CNTLN: variants seen among roughly 807,000 people sequenced by gnomAD.
The protein encoded by CNTLN is centlein, centrosomal protein.
In CNTLN, 212 loss-of-function variants were observed where a neutral mutation model predicts 180.0. That is an observed-to-expected ratio of 1.18 (90% CI 1.05 to 1.32). The LOEUF is 1.32. Ranked by LOEUF, CNTLN falls within the 40% of genes most tolerant of loss-of-function variation. The pLI, the probability that CNTLN is intolerant of heterozygous loss-of-function variation, is 0.00. For missense variants in CNTLN, 2,095 were observed against 1,610.9 expected, an observed-to-expected ratio of 1.30 and a Z score of -5.14; for synonymous variants, 722 against 563.1, an observed-to-expected ratio of 1.28 and a Z score of -3.99.
intron 8 of CNTLN, among the ~76,000 whole-genome samples, chr9:17,322,153 C>A (rs1819957701): frequency 6.6e-6 from 1 of 151,872 alleles, no homozygotes; most frequent in Non-Finnish European, 1.5e-5. Context: ...GATATGACCA[C>A]ACAAATATAT....
chr9:17,137,012 T>G (rs1817764435), intron 1 of CNTLN, among the ~76,000 whole-genome samples: 1 of 152,184 alleles, frequency 6.6e-6, no homozygotes, highest in South Asian at 2.1e-4. Flanking sequence ...CTAAGATACT[T>G]TTTTATGACC....
At chr9:17,411,472 C>T (rs1035136324) in intron 16 of CNTLN, among the ~76,000 whole-genome samples, 1 of 152,158 alleles carries the variant, frequency 6.6e-6, no homozygotes, top group Non-Finnish European at 1.5e-5. Flanking sequence ...CAGGGTGATG[C>T]CAGAGAGGAC....
intron 15 of CNTLN, among the ~76,000 whole-genome samples, chr9:17,399,003 A>C (rs1317294365): frequency 6.6e-6 from 1 of 152,212 alleles, no homozygotes; most frequent in East Asian, 1.9e-4. Flanking sequence ...CACCAGAGGA[A>C]GCTACGTTAA....
chr9:17,316,491 G>C (rs1819546492), intron 8 of CNTLN, among the ~76,000 whole-genome samples: 1 of 152,022 alleles, frequency 6.6e-6, no homozygotes, highest in Non-Finnish European at 1.5e-5. Flanking sequence ...ATTGCAAGTT[G>C]AAAGTGCATT....
At chr9:17,234,196 C>A (rs1454624536) in intron 3 of CNTLN, among the ~76,000 whole-genome samples, 1 of 152,134 alleles carries the variant, frequency 6.6e-6, no homozygotes, top group Admixed American at 6.6e-5. Context: ...GTGGCTCACA[C>A]CTGTTATCTC....
At chr9:17,274,583 T>C (rs1828189752) in intron 6 of CNTLN, among the ~76,000 whole-genome samples, 1 of 151,958 alleles carries the variant, frequency 6.6e-6, no homozygotes, top group Admixed American at 6.6e-5. Context: ...CATGCATGTG[T>C]TTATTTATTT....
At chr9:17,315,163 T>C (rs1167392867) in intron 8 of CNTLN, among the ~76,000 whole-genome samples, 2 of 152,176 alleles carry the variant, frequency 1.3e-5, no homozygotes, top group Non-Finnish European at 2.9e-5. Flanking sequence ...ATTTATTTTA[T>C]TGGGCATCAT....
chr9:17,150,935 G>T (rs1442952758), intron 2 of CNTLN, among the ~76,000 whole-genome samples: 1 of 152,178 alleles, frequency 6.6e-6, no homozygotes, highest in East Asian at 1.9e-4. Flanking sequence ...GTTCACTCAT[G>T]GTTTGGCTGT....
chr9:17,307,555 C>T (rs1185539302), intron 7 of CNTLN, among the ~76,000 whole-genome samples: 3 of 151,962 alleles, frequency 2.0e-5, no homozygotes, highest in African/African-American at 7.2e-5. Context: ...CAGGCGTGAG[C>T]CACCTTCCCA....
chr9:17,477,633 G>A (rs1474227875), intron 23 of CNTLN, among the ~76,000 whole-genome samples: 1 of 152,194 alleles, frequency 6.6e-6, no homozygotes, highest in Admixed American at 6.5e-5. Flanking sequence ...AATAGCCAGT[G>A]AACTAAAATT....
intron 18 of CNTLN, among the ~76,000 whole-genome samples, chr9:17,424,736 A>G (rs539564817): frequency 3.3e-5 from 5 of 152,160 alleles, no homozygotes; most frequent in Non-Finnish European, 5.9e-5. Context: ...CAGGGTCCCT[A>G]TGATGGAACT....
chr9:17,153,406 C>T (rs959518773), intron 2 of CNTLN, among the ~76,000 whole-genome samples: 16 of 152,108 alleles, frequency 1.1e-4, no homozygotes, highest in Non-Finnish European at 1.8e-4. Context: ...ATTTCTCATT[C>T]GCTTATGAAG....
chr9:17,326,273 A>C (rs533921298), intron 8 of CNTLN, among the ~76,000 whole-genome samples: 1 of 152,202 alleles, frequency 6.6e-6, no homozygotes, highest in Non-Finnish European at 1.5e-5. Context: ...ATGTAAACTA[A>C]AAGGGAGCAA....
chr9:17,251,444 A>C (rs1826136026), intron 5 of CNTLN, among the ~76,000 whole-genome samples: 1 of 150,936 alleles, frequency 6.6e-6, no homozygotes, highest in African/African-American at 2.4e-5. Context: ...TTCTCTCTTT[A>C]TGCTCTTTAG....
At chr9:17,518,316 G>C in the CNTLN span, among the ~76,000 whole-genome samples, 1 of 151,744 alleles carries the variant, frequency 6.6e-6, no homozygotes, top group Non-Finnish European at 1.5e-5. Flanking sequence ...CAAAATGCTG[G>C]GATTACAGGC....
rs1175235563 is a variant in CNTLN, at chr9:17,502,795, A to C, written c.*143A>C. 1.5e-5 allele frequency: 6 copies of C among 404,072 alleles called. No individual in the cohort carries two copies. The highest frequency in any genetic ancestry group is 2.1e-5 in the African/African-American group (1 of 47,710). The allele number at this position is 404,072 out of a possible 1,614,324, so 25.0% of individuals were successfully genotyped here. A position where few individuals can be genotyped will look rare whatever the true frequency, so the allele number is the denominator to read the frequency against. On this transcript the variant is annotated 3_prime_UTR_variant, in exon 26 of 26. Coordinates refer to ENST00000380647, the MANE Select transcript of CNTLN (RefSeq NM_017738.4). ...CCAAAATAAGAAGTCTCTGAAAATA[A>C]TTAATTGCTGAACAAGTGAAACTAA...
intron 12 of CNTLN, among the ~76,000 whole-genome samples, chr9:17,349,967 A>G (rs1822225985): frequency 6.6e-6 from 1 of 152,228 alleles, no homozygotes; most frequent in Non-Finnish European, 1.5e-5. Context: ...TTTGGAAGCT[A>G]GATAGTAAGA....
At chr9:17,418,197 G>C (rs1230708147) in intron 18 of CNTLN, among the ~76,000 whole-genome samples, 4 of 151,938 alleles carry the variant, frequency 2.6e-5, no homozygotes, top group Non-Finnish European at 5.9e-5. Flanking sequence ...TTAGGAAAGA[G>C]TAAGAATCAG....
chr9:17,310,697 A>G (rs577458294), intron 8 of CNTLN, among the ~76,000 whole-genome samples: 8 of 152,344 alleles, frequency 5.3e-5, no homozygotes, highest in African/African-American at 1.7e-4. Context: ...ACAATATAAA[A>G]GAGATCTGGT....
Sources: allele counts gnomAD v4.1 joint callset (sites outside exome capture counted in the v4.1 genomes callset), GRCh38; gene constraint gnomAD v4.1.1; transcripts MANE v1.5; gene names NCBI Gene and HGNC (gene_info 2026-07-23, HGNC 2026-07-21).